Variants in DNAH14 observed in about 807,000 individuals in gnomAD.
DNAH14 encodes the protein axonemal beta dynein heavy chain 14.
Under a neutral mutation model 520.9 loss-of-function variants are expected in DNAH14, and 478 were observed. That is an observed-to-expected ratio of 0.92 (90% CI 0.85 to 0.99). DNAH14 has a LOEUF of 0.99. Among genes scored for constraint, DNAH14 ranks in the 50% least tolerant of loss-of-function variants. The probability of loss-of-function intolerance (pLI) is 0.00; values close to 1 mark genes in which losing one functional copy is unlikely to be tolerated. For missense variants in DNAH14, 4,831 were observed against 5,234.5 expected, an observed-to-expected ratio of 0.92 and a Z score of 2.38; for synonymous variants, 1,581 against 1,757.2, an observed-to-expected ratio of 0.90 and a Z score of 2.51.
chr1:225,208,124 C>T (rs774605748), intron 41 of DNAH14, among the ~76,000 whole-genome samples: 11 of 152,100 alleles, frequency 7.2e-5, no homozygotes, highest in Non-Finnish European at 1.6e-4. Context: ...AGAACAGTGC[C>T]AGAGTGGATA....
upstream of DNAH14, chr1:224,929,664 C>A: frequency 1.4e-6 from 1 of 702,462 alleles, no homozygotes; most frequent in Non-Finnish European, 2.6e-6. Context: ...AGGGCGCAGG[C>A]GTGGCTCTTG....
At chr1:225,173,754 T>C (rs2149246859) in intron 36 of DNAH14, among the ~76,000 whole-genome samples, 1 of 152,340 alleles carries the variant, frequency 6.6e-6, no homozygotes, top group East Asian at 1.9e-4. Context: ...GCCATCCCAT[T>C]ACTGGGTATA....
chr1:225,151,666 A>G (rs1466049033), intron 31 of DNAH14, among the ~76,000 whole-genome samples: 1 of 152,086 alleles, frequency 6.6e-6, no homozygotes, highest in Non-Finnish European at 1.5e-5. Context: ...TCTGTGTTCT[A>G]CTATATCTTC....
chr1:224,983,351 AG>A (rs1353958269), intron 8 of DNAH14, among the ~76,000 whole-genome samples: 1 of 152,154 alleles, frequency 6.6e-6, no homozygotes, highest in African/African-American at 2.4e-5. Flanking sequence ...CTTACATGTT[AG>A]GTGAGGTTAT....
rs1276283751 is a variant in DNAH14 at position 225,192,887 on chromosome 1, G to A, written c.5862G>A (p.Lys1954=). ...NTKKDIDLRL[K]SRISDLSNVF... ...AGAAAGACATTGATCTCAGACTAAA[G>A]TCAAGAATCTCAGATTTATCCAATG... Residue 1954 remains lysine (K), a synonymous_variant, in exon 38 of 86, where the codon AAG becomes AAA. Transcript: ENST00000682510. The A allele has an allele frequency of 6.5e-7, 1 of 1,548,768 alleles. No individual in the cohort carries two copies. Among genetic ancestry groups the A allele is most frequent in the Non-Finnish European group, 8.7e-7 (1 of 1,145,414 alleles).
intron 55 of DNAH14, among the ~76,000 whole-genome samples, chr1:225,298,998 C>T (rs1462877200): frequency 1.3e-5 from 2 of 152,220 alleles, no homozygotes; most frequent in Non-Finnish European, 2.9e-5. Flanking sequence ...CCAGTCACCA[C>T]AGGTACCTCT....
At chr1:225,209,122 A>G (rs2149440252) in intron 41 of DNAH14, among the ~76,000 whole-genome samples, 1 of 152,274 alleles carries the variant, frequency 6.6e-6, no homozygotes, top group Non-Finnish European at 1.5e-5. Context: ...TGGCAACATG[A>G]CTTTTCTTAA....
chr1:225,268,430 G>A (rs1007198626), intron 49 of DNAH14, among the ~76,000 whole-genome samples: 1 of 152,222 alleles, frequency 6.6e-6, no homozygotes, highest in African/African-American at 2.4e-5. Context: ...AGACAGGGAT[G>A]CCCTCTCTAA....
At chr1:225,008,619 G>A (rs2064408239) in intron 10 of DNAH14, among the ~76,000 whole-genome samples, 1 of 108,448 alleles carries the variant, frequency 9.2e-6, no homozygotes, top group South Asian at 3.0e-4. Flanking sequence ...TAGAGACAGG[G>A]TTTCACTGTG....
intron 85 of DNAH14, 82 bp from the exon 86 acceptor site, chr1:225,398,972 C>T: frequency 9.4e-7 from 1 of 1,066,300 alleles, no homozygotes. Context: ...ACAAATCCCT[C>T]AAGCCTAGCA....
At chr1:225,189,957 T>A (rs2085210996) in intron 37 of DNAH14, among the ~76,000 whole-genome samples, 1 of 151,872 alleles carries the variant, frequency 6.6e-6, no homozygotes, top group Non-Finnish European at 1.5e-5. Flanking sequence ...TTTAAAATAG[T>A]TACCTGGGAG....
rs2058550209 is a variant in DNAH14 at position 224,929,733 on chromosome 1, G to A, written c.-136G>A. 2.8e-6 allele frequency: 2 copies of A among 702,280 alleles called. No individual in the cohort carries two copies. The highest frequency in any genetic ancestry group is 5.2e-6 in the Non-Finnish European group (2 of 384,844). 43.5% of individuals were successfully genotyped at this position (702,280 alleles called of 1,614,324 possible). The stretch of plus-strand genomic sequence containing the variant: ...TGGCGTGGTAGGGCTGTGCTGCGCG[G>A]TCCTTCCCATTCACCCTAGTCTGGC... On this transcript the variant is annotated 5_prime_UTR_variant, in exon 1 of 86. Coordinates refer to ENST00000682510, the MANE Select transcript of DNAH14 (RefSeq NM_001367479.1).
chr1:225,156,271 G>A (rs905759871), intron 34 of DNAH14, among the ~76,000 whole-genome samples: 1 of 152,074 alleles, frequency 6.6e-6, no homozygotes, highest in African/African-American at 2.4e-5. Flanking sequence ...TCCTTGGGCT[G>A]CCTTATAAAG....
At chr1:225,097,779 A>C (rs1475996013) in intron 22 of DNAH14, among the ~76,000 whole-genome samples, 1 of 152,188 alleles carries the variant, frequency 6.6e-6, no homozygotes, top group Non-Finnish European at 1.5e-5. Context: ...GTATAAAAAA[A>C]AAAAAGTGTC....
chr1:225,270,356 A>C (rs542698038), intron 49 of DNAH14, among the ~76,000 whole-genome samples: 53 of 151,368 alleles, frequency 3.5e-4, no homozygotes, highest in Non-Finnish European at 6.0e-4. Context: ...TAGCATTAGG[A>C]GATATACCTA....
At chr1:225,322,218 T>C (rs1343363628) in intron 61 of DNAH14, among the ~76,000 whole-genome samples, 1 of 149,580 alleles carries the variant, frequency 6.7e-6, no homozygotes, top group Non-Finnish European at 1.5e-5. Flanking sequence ...AGTCTCCAAG[T>C]AGCTGGGACT....
intron 28 of DNAH14, among the ~76,000 whole-genome samples, chr1:225,142,539 G>A (rs1374059860): frequency 3.9e-5 from 6 of 152,178 alleles, no homozygotes; most frequent in African/African-American, 1.4e-4. Flanking sequence ...GAAAATCAAT[G>A]TAGCAAACAC....
rs142931948 is a variant in DNAH14 at position 225,267,807 on chromosome 1, G to A, written c.7539+1038G>A. On this transcript the variant is annotated intron_variant, in intron 49 of 85. Coordinates refer to ENST00000682510, the MANE Select transcript of DNAH14 (RefSeq NM_001367479.1). ...CCAGGATCCTGAATAAGGCAAACTG[G>A]CATGTGAGCGCTATCAGGTCAGACG... 1.0e-3 allele frequency among the ~76,000 whole-genome samples: 152 copies of A among 151,726 alleles called. 2 individuals are homozygous for A. The highest frequency in any genetic ancestry group is 3.5e-3 in the African/African-American group (143 of 41,372).
intron 23 of DNAH14, among the ~76,000 whole-genome samples, chr1:225,105,168 T>C (rs987013028): frequency 6.6e-6 from 1 of 152,252 alleles, no homozygotes. Context: ...AGGAGCAGGT[T>C]GTTCCTTTTC....
Sources: gnomAD v4.1 joint callset for allele counts (sites outside exome capture counted in the v4.1 genomes callset) on GRCh38, gnomAD v4.1.1 for gene constraint, MANE v1.5 for transcripts, NCBI Gene and HGNC (gene_info 2026-07-23, HGNC 2026-07-21) for gene names.